PHACTR3: variants seen among roughly 807,000 people sequenced by gnomAD.
The protein encoded by PHACTR3 is protein phosphatase 1, regulatory subunit 123.
A neutral mutation model predicts 66.8 loss-of-function variants in PHACTR3; 16 were observed. That is an observed-to-expected ratio of 0.24 (90% confidence interval 0.16 to 0.36). The LOEUF is 0.36. Among genes scored for constraint, PHACTR3 ranks in the 10% least tolerant of loss-of-function variants. The pLI is 1.00. For synonymous variants in PHACTR3, 323 were observed against 292.1 expected (o/e 1.11, Z -1.08); for missense variants, 647 against 719.9 (o/e 0.90, Z 1.16).
At chr20:59,841,260 T>C (rs2059055319) in intron 10 of PHACTR3, 135 bp from the exon 11 acceptor site, 1 of 795,812 alleles carries the variant, frequency 1.3e-6, no homozygotes, top group Non-Finnish European at 2.0e-6. Context: ...AGATTGCTTG[T>C]ATTTGGGTTA....
chr20:59,724,813 C>T (rs944899220), intron 1 of PHACTR3, among the ~76,000 whole-genome samples: 1 of 152,244 alleles, frequency 6.6e-6, no homozygotes, highest in Non-Finnish European at 1.5e-5. Flanking sequence ...TGATGTGCAA[C>T]ATTCACTAAT....
chr20:59,721,634 GGAATCTAGA>G (rs1378273576), intron 1 of PHACTR3, among the ~76,000 whole-genome samples: 1 of 152,204 alleles, frequency 6.6e-6, no homozygotes, highest in Non-Finnish European at 1.5e-5. Context: ...AGATACCTAA[GGAATCTAGA>G]TGAGGCCAGT....
rs894237816 is a variant in PHACTR3, at chr20:59,810,723, G to A, written c.1328+4529G>A. 5.9e-5 allele frequency among the ~76,000 whole-genome samples: 9 copies of A among 152,128 alleles called. No individual in the cohort carries two copies. The East Asian group carries it at 1.2e-3, about 20-fold the overall frequency. On this transcript the variant is annotated intron_variant, in intron 8 of 12. Coordinates refer to ENST00000371015, the MANE Select transcript of PHACTR3 (RefSeq NM_080672.5). ...CCCACGGCTACCCCAGAACACATCC[G>A]TGTGCTTGGTCTGGGACCCCCAGGA...
intron 3 of PHACTR3, among the ~76,000 whole-genome samples, chr20:59,752,254 A>G (rs757135194): frequency 1.2e-4 from 18 of 152,216 alleles, no homozygotes; most frequent in Non-Finnish European, 2.4e-4. Context: ...CACATGTGCC[A>G]CGACACACGT....
chr20:59,838,530 G>GGGACTATAT (rs775425525), intron 9 of PHACTR3, among the ~76,000 whole-genome samples: 22 of 152,150 alleles, frequency 1.4e-4, no homozygotes, highest in Non-Finnish European at 2.9e-4. Context: ...ATCTGTGCCA[G>GGGACTATAT]GGACTATATT....
intron 1 of PHACTR3, among the ~76,000 whole-genome samples, chr20:59,737,304 TG>T (rs986686655): frequency 2.2e-4 from 34 of 152,266 alleles, no homozygotes; most frequent in African/African-American, 8.2e-4. Context: ...TCCTCGCGTC[TG>T]TGGGGATCCT....
intron 7 of PHACTR3, among the ~76,000 whole-genome samples, chr20:59,778,533 C>G (rs1198226978): frequency 6.6e-6 from 1 of 152,256 alleles, no homozygotes; most frequent in African/African-American, 2.4e-5. Flanking sequence ...CTTCTTCTCA[C>G]CCAACCTTAT....
intron 8 of PHACTR3, among the ~76,000 whole-genome samples, chr20:59,833,382 C>T (rs1196060419): frequency 1.3e-5 from 2 of 152,224 alleles, no homozygotes; most frequent in East Asian, 3.9e-4. Context: ...TTTCTGGGAA[C>T]ATGGTCCGCG....
At chr20:59,700,545 A>G (rs2037464017) in intron 1 of PHACTR3, among the ~76,000 whole-genome samples, 1 of 152,222 alleles carries the variant, frequency 6.6e-6, no homozygotes, top group Non-Finnish European at 1.5e-5. Flanking sequence ...TAGGTCATTG[A>G]CAATTCTAAA....
At chr20:59,661,284 T>C (rs1218697252) in intron 1 of PHACTR3, among the ~76,000 whole-genome samples, 3 of 152,062 alleles carry the variant, frequency 2.0e-5, no homozygotes, top group East Asian at 3.9e-4. Context: ...AGCAGGATGG[T>C]GTTTCAGACA....
chr20:59,826,483 C>T (rs1315185607), intron 8 of PHACTR3, among the ~76,000 whole-genome samples: 7 of 151,958 alleles, frequency 4.6e-5, no homozygotes, highest in Admixed American at 4.6e-4. Context: ...CCAGTGCGCT[C>T]CCCTGCCCCA....
chr20:59,695,220 T>A (rs1220801997), intron 1 of PHACTR3, among the ~76,000 whole-genome samples: 1 of 152,168 alleles, frequency 6.6e-6, no homozygotes, highest in Non-Finnish European at 1.5e-5. Context: ...TCTGTCCCCA[T>A]CCAAATCTCA....
chr20:59,677,793 T>C (rs6100547), intron 1 of PHACTR3, among the ~76,000 whole-genome samples: 46,699 of 152,098 alleles, frequency 0.31, 8,125 homozygotes, highest in African/African-American at 0.47. Context: ...GCGTGTATAA[T>C]GATGGTAACC....
At chr20:59,812,685 G>A (rs917517734) in intron 8 of PHACTR3, among the ~76,000 whole-genome samples, 2 of 152,176 alleles carry the variant, frequency 1.3e-5, no homozygotes, top group South Asian at 2.1e-4. Flanking sequence ...CTGCATGGAC[G>A]GAAATTTTCA....
intron 8 of PHACTR3, among the ~76,000 whole-genome samples, chr20:59,819,121 G>A (rs1041506714): frequency 6.6e-6 from 1 of 152,124 alleles, no homozygotes; most frequent in Admixed American, 6.6e-5. Context: ...GAGAATGGTG[G>A]GGGCTGGGCG....
intron 12 of PHACTR3, among the ~76,000 whole-genome samples, chr20:59,845,477 A>G (rs2059131255): frequency 6.6e-6 from 1 of 152,188 alleles, no homozygotes; most frequent in Non-Finnish European, 1.5e-5. Context: ...GTATGGTAAC[A>G]ATATCGGTTT....
chr20:59,710,286 T>C (rs1056405822), intron 1 of PHACTR3, among the ~76,000 whole-genome samples: 7 of 152,170 alleles, frequency 4.6e-5, no homozygotes, highest in African/African-American at 1.7e-4. Context: ...CTCCTGCTTT[T>C]TATCCCACAC....
intron 1 of PHACTR3, among the ~76,000 whole-genome samples, chr20:59,717,671 T>G (rs573067907): frequency 6.6e-6 from 1 of 151,990 alleles, no homozygotes; most frequent in African/African-American, 2.4e-5. Context: ...GCGTAAACCA[T>G]GATATATAGA....
At chr20:59,711,483 T>A (rs996211345) in intron 1 of PHACTR3, among the ~76,000 whole-genome samples, 2 of 152,196 alleles carry the variant, frequency 1.3e-5, no homozygotes, top group Non-Finnish European at 2.9e-5. Flanking sequence ...AAATGGAAAC[T>A]CATTACAGAT....
Sources: gnomAD v4.1 joint callset for allele counts (sites outside exome capture counted in the v4.1 genomes callset) on GRCh38, gnomAD v4.1.1 for gene constraint, MANE v1.5 for transcripts, NCBI Gene and HGNC (gene_info 2026-07-23, HGNC 2026-07-21) for gene names.